Variants in NRXN3 observed in about 807,000 individuals in gnomAD.
NRXN3 encodes neurexin 3.
A neutral mutation model predicts 137.6 loss-of-function variants in NRXN3; 32 were observed. The ratio of observed to expected loss-of-function variants is 0.23; its 90% CI spans 0.18 to 0.31. NRXN3 has a LOEUF of 0.31. NRXN3 is among the 10% of genes least tolerant of loss of function. The pLI, the probability that NRXN3 is intolerant of heterozygous loss-of-function variation, is 1.00. For missense variants in NRXN3, 1,574 were observed against 2,062.5 expected (o/e 0.76, Z 4.59); for synonymous variants, 798 against 784.5 (o/e 1.02, Z -0.29).
chr14:79,726,025 A>T (rs1237041723), intron 19 of NRXN3, among the ~76,000 whole-genome samples: 1 of 152,170 alleles, frequency 6.6e-6, no homozygotes, highest in East Asian at 1.9e-4. Flanking sequence ...GAGTGAAATC[A>T]GACACATTTT....
chr14:79,658,496 G>GTCTC (rs1347554349), intron 16 of NRXN3, among the ~76,000 whole-genome samples: 2 of 152,138 alleles, frequency 1.3e-5, no homozygotes, highest in Non-Finnish European at 2.9e-5. Context: ...ACTCTCGTGG[G>GTCTC]TCTCACACCA....
At chr14:78,994,389 T>C (rs1598339721) in intron 15 of NRXN3, among the ~76,000 whole-genome samples, 1 of 152,228 alleles carries the variant, frequency 6.6e-6, no homozygotes, top group Non-Finnish European at 1.5e-5. Flanking sequence ...TTTTTCAAGA[T>C]ATAAAAAAAA....
chr14:78,835,196 C>T (rs1430384618), intron 10 of NRXN3, among the ~76,000 whole-genome samples: 3 of 152,234 alleles, frequency 2.0e-5, no homozygotes, highest in East Asian at 3.9e-4. Context: ...TAGAGAATAG[C>T]GGTGGCGGAC....
chr14:79,241,878 G>A (rs1180992167), intron 15 of NRXN3, among the ~76,000 whole-genome samples: 1 of 151,920 alleles, frequency 6.6e-6, no homozygotes, highest in African/African-American at 2.4e-5. Context: ...ACCAGCCTGG[G>A]CAACATGGTG....
chr14:78,474,936 G>A (rs1043224623), intron 4 of NRXN3, among the ~76,000 whole-genome samples: 19 of 152,246 alleles, frequency 1.2e-4, no homozygotes, highest in Admixed American at 1.2e-3. Flanking sequence ...CAGATCTTTA[G>A]GTCTGCCTCT....
At chr14:78,836,042 G>A (rs948959628) in intron 10 of NRXN3, among the ~76,000 whole-genome samples, 3 of 152,054 alleles carry the variant, frequency 2.0e-5, no homozygotes, top group African/African-American at 7.2e-5. Flanking sequence ...AATTTGTCAA[G>A]CTTATTATCT....
chr14:79,127,082 G>A (rs1349768016), intron 15 of NRXN3, among the ~76,000 whole-genome samples: 1 of 152,026 alleles, frequency 6.6e-6, no homozygotes. Flanking sequence ...TTAGCCCTTT[G>A]TCAGATGAGT....
chr14:79,835,040 T>C (rs945248187), intron 20 of NRXN3, among the ~76,000 whole-genome samples: 6 of 152,122 alleles, frequency 3.9e-5, no homozygotes, highest in African/African-American at 1.4e-4. Flanking sequence ...AGTCAGGTCA[T>C]GTGATATTTG....
chr14:78,791,026 TAGA>T, intron 8 of NRXN3, among the ~76,000 whole-genome samples: 1 of 152,384 alleles, frequency 6.6e-6, no homozygotes, highest in African/African-American at 2.4e-5. Context: ...TTCTAGACTC[TAGA>T]AGATGTAAAT....
At chr14:79,611,063 A>G (rs2098092465) in intron 16 of NRXN3, among the ~76,000 whole-genome samples, 1 of 152,186 alleles carries the variant, frequency 6.6e-6, no homozygotes, top group Admixed American at 6.5e-5. Flanking sequence ...TTCATGATGG[A>G]ATGCGTCAAC....
chr14:78,398,068 G>A (rs1005949124), intron 4 of NRXN3, among the ~76,000 whole-genome samples: 9 of 151,384 alleles, frequency 5.9e-5, no homozygotes, highest in African/African-American at 2.2e-4. Context: ...TACAAAATTA[G>A]CTGGGCATGG....
intron 18 of NRXN3, among the ~76,000 whole-genome samples, chr14:79,696,072 A>C (rs2098734379): frequency 6.6e-6 from 1 of 151,984 alleles, no homozygotes; most frequent in Non-Finnish European, 1.5e-5. Flanking sequence ...TTGTCTAAGG[A>C]GTATCCTCTG....
intron 4 of NRXN3, among the ~76,000 whole-genome samples, chr14:78,372,021 T>A (rs139142161): frequency 6.6e-6 from 1 of 152,300 alleles, no homozygotes; most frequent in Non-Finnish European, 1.5e-5. Flanking sequence ...CCTCTTAATA[T>A]TGTACACACA....
rs975453548 is a variant in NRXN3 at position 78,242,734 on chromosome 14, C to A, written c.-360C>A. 2 of 230,076 alleles carry A rather than the reference C, an allele frequency of 8.7e-6. No individual in the cohort carries two copies. The highest frequency in any genetic ancestry group is 1.7e-5 in the Non-Finnish European group (2 of 118,216). The allele number at this position is 230,076 out of a possible 1,614,324, so 14.3% of individuals were successfully genotyped here. A position where few individuals can be genotyped will look rare whatever the true frequency, so the allele number is the denominator to read the frequency against. ...TTCCTACTCTCCTGCACCTTCTCCT[C>A]CTTGAGTCAAGGCCTCCGGATCCAC... On this transcript the variant is annotated 5_prime_UTR_variant, in exon 2 of 21. Transcript: ENST00000335750.
At chr14:78,246,498 T>C (rs1191071210) in intron 2 of NRXN3, among the ~76,000 whole-genome samples, 1 of 152,142 alleles carries the variant, frequency 6.6e-6, no homozygotes, top group Admixed American at 6.5e-5. Context: ...GTAAATAAAC[T>C]GCCGTAACAG....
At chr14:78,580,312 C>T (rs184846389) in intron 4 of NRXN3, among the ~76,000 whole-genome samples, 10 of 152,238 alleles carry the variant, frequency 6.6e-5, no homozygotes, top group African/African-American at 1.9e-4. Context: ...CTGCCAATCT[C>T]ATTACACACC....
At chr14:78,195,734 A>G (rs1208679140) in intron 1 of NRXN3, among the ~76,000 whole-genome samples, 1 of 152,212 alleles carries the variant, frequency 6.6e-6, no homozygotes, top group Non-Finnish European at 1.5e-5. Flanking sequence ...AGGAAACTAA[A>G]GCATAGAACC....
chr14:79,412,595 A>C (rs2095432825), intron 15 of NRXN3, among the ~76,000 whole-genome samples: 1 of 149,882 alleles, frequency 6.7e-6, no homozygotes, highest in African/African-American at 2.4e-5. Context: ...CCTGGCCAAC[A>C]TGATGAAACC....
At chr14:79,618,622 A>C (rs1381561094) in intron 16 of NRXN3, among the ~76,000 whole-genome samples, 1 of 152,070 alleles carries the variant, frequency 6.6e-6, no homozygotes, top group African/African-American at 2.4e-5. Context: ...GGTTGATTCT[A>C]TGTCTTTGCT....
Sources: gnomAD v4.1 joint callset for allele counts (sites outside exome capture counted in the v4.1 genomes callset) on GRCh38, gnomAD v4.1.1 for gene constraint, MANE v1.5 for transcripts, NCBI Gene and HGNC (gene_info 2026-07-23, HGNC 2026-07-21) for gene names.